Variants in PRKG1 observed in about 807,000 individuals in gnomAD.
PRKG1 encodes the protein cGMP-dependent protein kinase 1.
Under a neutral mutation model 88.1 loss-of-function variants are expected in PRKG1, and 35 were observed. The ratio of observed to expected loss-of-function variants is 0.40; its 90% CI spans 0.30 to 0.53. PRKG1 has a LOEUF of 0.53. Ranked by LOEUF, PRKG1 falls within the 20% of genes least tolerant of loss-of-function variation. The probability of loss-of-function intolerance (pLI) is 0.59; values close to 1 mark genes in which losing one functional copy is unlikely to be tolerated. For synonymous variants in PRKG1, 303 were observed against 292.5 expected, an observed-to-expected ratio of 1.04 and a Z score of -0.37; for missense variants, 540 against 839.8, an observed-to-expected ratio of 0.64 and a Z score of 4.41.
rs570486371 is a variant in PRKG1, at chr10:51,404,389, G to A, written c.479-63334G>A. ...TGGGACATGAATCCACAGGTTATATGTTACAGAGGCCAAAATGTTTTTACT... is the reference window on the plus strand; with the variant it reads ...TGGGACATGAATCCACAGGTTATATATTACAGAGGCCAAAATGTTTTTACT... On this transcript the variant is annotated intron_variant, in intron 2 of 17. Transcript: ENST00000373980. Among the ~76,000 whole-genome samples the A allele has an allele frequency of 9.9e-5, 15 of 152,284 alleles. No homozygotes were observed. In the East Asian group the frequency reaches 2.7e-3, roughly 27 times the overall value.
intron 3 of PRKG1, among the ~76,000 whole-genome samples, chr10:51,722,611 T>C (rs1033174969): frequency 2.6e-4 from 39 of 152,118 alleles, no homozygotes; most frequent in Non-Finnish European, 5.9e-5. Flanking sequence ...AGAGGCAAAA[T>C]ATTTCACCTC....
At chr10:51,842,475 C>T (rs1346474800) in intron 4 of PRKG1, among the ~76,000 whole-genome samples, 1 of 152,170 alleles carries the variant, frequency 6.6e-6, no homozygotes, top group Non-Finnish European at 1.5e-5. Flanking sequence ...CTTTCAGCTA[C>T]TTTTTTCCTT....
At chr10:51,084,378 T>A (rs1218975426) in intron 1 of PRKG1, among the ~76,000 whole-genome samples, 1 of 152,172 alleles carries the variant, frequency 6.6e-6, no homozygotes, top group Non-Finnish European at 1.5e-5. Flanking sequence ...ATTCTTTTAT[T>A]CCAACCTATG....
At chr10:51,319,078 T>G (rs2132504790) in intron 2 of PRKG1, among the ~76,000 whole-genome samples, 1 of 152,374 alleles carries the variant, frequency 6.6e-6, no homozygotes, top group East Asian at 1.9e-4. Context: ...TCAAATTGGT[T>G]TCTTACACAT....
At chr10:52,200,201 C>T (rs577529107) in intron 9 of PRKG1, among the ~76,000 whole-genome samples, 115 of 152,188 alleles carry the variant, frequency 7.6e-4, no homozygotes, top group Non-Finnish European at 8.2e-4. Flanking sequence ...GCAATCCTCA[C>T]CCTCGTCCCA....
intron 5 of PRKG1, among the ~76,000 whole-genome samples, chr10:51,926,750 G>GTTTTTTTT (rs11324214): frequency 1.3e-4 from 18 of 141,308 alleles, no homozygotes; most frequent in African/African-American, 4.5e-4. Context: ...GCCTAGCATA[G>GTTTTTTTT]TTTTTTTTTT....
intron 4 of PRKG1, among the ~76,000 whole-genome samples, chr10:51,888,165 T>C (rs1394153497): frequency 6.6e-6 from 1 of 152,188 alleles, no homozygotes; most frequent in East Asian, 1.9e-4. Flanking sequence ...TTAAAAGATA[T>C]ACGTTGAATG....
chr10:51,014,681 A>G (rs145617019), intron 1 of PRKG1, among the ~76,000 whole-genome samples: 1,733 of 152,318 alleles, frequency 0.011, 14 homozygotes, highest in Non-Finnish European at 0.02. Context: ...ATACACATAT[A>G]TATGTATCAA....
intron 2 of PRKG1, among the ~76,000 whole-genome samples, chr10:51,327,772 TAGAA>T (rs1368063776): frequency 1.3e-5 from 2 of 152,182 alleles, no homozygotes; most frequent in Non-Finnish European, 2.9e-5. Flanking sequence ...TGTCTAAACA[TAGAA>T]AGACACAGTA....
intron 2 of PRKG1, among the ~76,000 whole-genome samples, chr10:51,182,136 C>T (rs1454467126): frequency 6.6e-6 from 1 of 152,090 alleles, no homozygotes; most frequent in Non-Finnish European, 1.5e-5. Context: ...TATATAACAC[C>T]AGTCCTTTGA....
Position 51,892,731 on chromosome 10 carries a change from G to T in PRKG1, c.699-14776G>T, listed in dbSNP as rs939345444. 2.6e-4 allele frequency among the ~76,000 whole-genome samples: 39 copies of T among 152,184 alleles called. 2 individuals carry two copies. The highest frequency in any genetic ancestry group is 4.4e-5 in the Non-Finnish European group (3 of 68,040). On this transcript the variant is annotated intron_variant, in intron 4 of 17. Coordinates refer to ENST00000373980, the MANE Select transcript of PRKG1 (RefSeq NM_006258.4). ...AGAAATGAGAGATGATAAACGTTCT[G>T]CAGTACATAGGCCAGCCCTGCACAT...
At chr10:51,230,787 A>T (rs1046156507) in intron 2 of PRKG1, among the ~76,000 whole-genome samples, 1 of 126,962 alleles carries the variant, frequency 7.9e-6, no homozygotes, top group African/African-American at 4.0e-5. Flanking sequence ...TAGTGACTAG[A>T]AAAAAAAAAA....
At chr10:52,177,804 C>CT (rs1270408615) in intron 9 of PRKG1, among the ~76,000 whole-genome samples, 4 of 151,780 alleles carry the variant, frequency 2.6e-5, no homozygotes, top group Admixed American at 6.6e-5. Context: ...AAAAAACCCC[C>CT]TTATGATCCT....
At chr10:51,118,444 G>A (rs945270593) in intron 1 of PRKG1, among the ~76,000 whole-genome samples, 1 of 152,054 alleles carries the variant, frequency 6.6e-6, no homozygotes, top group Non-Finnish European at 1.5e-5. Flanking sequence ...AATTCAGTGA[G>A]TTTCTAAATT....
At chr10:51,959,772 A>G (rs766913346) in intron 5 of PRKG1, among the ~76,000 whole-genome samples, 1 of 152,260 alleles carries the variant, frequency 6.6e-6, no homozygotes, top group Admixed American at 6.5e-5. Flanking sequence ...CAAGATTTCT[A>G]ACTGCAGAGA....
intron 2 of PRKG1, among the ~76,000 whole-genome samples, chr10:51,335,285 T>C (rs1458392218): frequency 6.6e-6 from 1 of 152,148 alleles, no homozygotes; most frequent in African/African-American, 2.4e-5. Flanking sequence ...AGTTTATCAA[T>C]GTTCTGTGAT....
intron 5 of PRKG1, chr10:51,908,734 A>ATATATATATATATATATATTTT (rs563212069): frequency 3.8e-5 from 2 of 52,222 alleles, no homozygotes; most frequent in East Asian, 6.8e-4. Flanking sequence ...TCTATATGTA[A>ATATATATATATATATATATTTT]TTTTTTTTTT....
chr10:51,016,022 G>C (rs1405644401), intron 1 of PRKG1, among the ~76,000 whole-genome samples: 1 of 152,226 alleles, frequency 6.6e-6, no homozygotes, highest in East Asian at 1.9e-4. Context: ...GGGAAAGTCA[G>C]GAAAGTTTCT....
At chr10:51,309,749 AC>A (rs1841135773) in intron 2 of PRKG1, among the ~76,000 whole-genome samples, 1 of 151,988 alleles carries the variant, frequency 6.6e-6, no homozygotes, top group Non-Finnish European at 1.5e-5. Context: ...CTGGGTATCT[AC>A]CCAAAGGAAA....
Sources: gnomAD v4.1 joint callset for allele counts (sites outside exome capture counted in the v4.1 genomes callset) on GRCh38, gnomAD v4.1.1 for gene constraint, MANE v1.5 for transcripts, NCBI Gene and HGNC (gene_info 2026-07-23, HGNC 2026-07-21) for gene names.